MIA3: variants seen among roughly 807,000 people sequenced by gnomAD.
MIA3 encodes transport and Golgi organization protein 1 homolog.
A neutral mutation model predicts 192.4 loss-of-function variants in MIA3; 90 were observed. The observed-to-expected ratio is 0.47, with a 90% CI of 0.39 to 0.56. The LOEUF (loss-of-function observed/expected upper bound fraction) is 0.56, where lower values mean the gene tolerates loss of function less well. Among genes scored for constraint, MIA3 ranks in the 20% least tolerant of loss-of-function variants. The probability of loss-of-function intolerance (pLI) is 0.00; values close to 1 mark genes in which losing one functional copy is unlikely to be tolerated. For synonymous variants in MIA3, 740 were observed against 792.8 expected (o/e 0.93, Z 1.12); for missense variants, 2,123 against 2,269.4 (o/e 0.94, Z 1.31).
At chr1:222,654,634 C>CA in intron 17 of MIA3, 21 bp from the exon 18 acceptor site, 1 of 1,612,008 alleles carries the variant, frequency 6.2e-7, no homozygotes, top group South Asian at 1.1e-5. Context: ...ATATGGAACT[C>CA]AAATGTTTTA....
In MIA3 at chr1:222,628,204, G is replaced by T. The variant is rs756559128; in HGVS notation, c.984G>T (p.Leu328Phe). The T allele has an allele frequency of 2.5e-6, 4 of 1,613,974 alleles. No individual in the cohort carries two copies. In the African/African-American group the frequency reaches 5.3e-5, roughly 22 times the overall value. The change falls in exon 4 of 28, where the codon TTG becomes TTT. Residue 328 changes from leucine (L) to phenylalanine (F), a missense_variant. Leu to Phe is a conservative substitution (Grantham distance 22). Coordinates refer to ENST00000344922, the MANE Select transcript of MIA3 (RefSeq NM_198551.4). ...AGAACCAAGAAGACTTTGATGAGTT[G>T]CCATTACTTACCTTTACAGATGGGG... ...DEENQEDFDE[L>F]PLLTFTDGED...
In MIA3 at chr1:222,624,798, G is replaced by T; in HGVS notation, c.298G>T (p.Asp100Tyr). The stretch of plus-strand genomic sequence containing the variant: ...ACGCACTTTTGGATATTTTCCAAAA[G>T]ATTTAATCCAGGTAGTTCATGAATA... ...VGRTFGYFPK[D>Y]LIQVVHEYTK... is the part of the protein sequence containing the mutation. The change falls in exon 3 of 28, where the codon GAT becomes TAT. Residue 100 changes from aspartate to tyrosine, a missense_variant. Physicochemically the swap from Asp to Tyr is radical, Grantham distance 160. This residue lies in a region of MIA3 where 1,357 missense variants were observed against 1,396.1 expected (regional missense o/e 0.97). Coordinates refer to ENST00000344922, the MANE Select transcript of MIA3 (RefSeq NM_198551.4). 1.9e-6 allele frequency: 3 copies of T among 1,598,802 alleles called. No homozygotes were observed. Among genetic ancestry groups the T allele is most frequent in the Non-Finnish European group, 2.6e-6 (3 of 1,167,158 alleles).
chr1:222,644,321 C>T (rs921767615), intron 6 of MIA3: 4 of 1,450,334 alleles, frequency 2.8e-6, no homozygotes, highest in South Asian at 2.8e-5. Context: ...TTATAGGCGG[C>T]ATAAAGCGAA....
rs1002440523 is a variant in MIA3 at position 222,633,179 on chromosome 1, C to T, written c.3407C>T (p.Pro1136Leu). 5.0e-6 allele frequency: 8 copies of T among 1,614,014 alleles called. No individual in the cohort carries two copies. The highest frequency in any genetic ancestry group is 1.3e-5 in the African/African-American group (1 of 75,030). Reference protein sequence around the residue: ...NKQPETAAEEPASVTPLENAI... With the variant: ...NKQPETAAEELASVTPLENAI... ...CAACCAGAGACAGCCGCCGAAGAGC[C>T]GGCAAGTGTCACACCTTTGGAAAAC... Residue 1136 changes from proline (P) to leucine (L), a missense_variant, in exon 6 of 28, where the codon CCG becomes CTG. Physicochemically the swap from Pro to Leu is moderately conservative, Grantham distance 98. Coordinates refer to ENST00000344922, the MANE Select transcript of MIA3 (RefSeq NM_198551.4).
intron 6 of MIA3, among the ~76,000 whole-genome samples, chr1:222,638,959 TC>T (rs1235919849): frequency 6.6e-6 from 1 of 151,720 alleles, no homozygotes; most frequent in Non-Finnish European, 1.5e-5. Flanking sequence ...AGAGAGAAAA[TC>T]AATGTAACCA....
At chr1:222,640,465 C>A (rs959671795) in intron 6 of MIA3, among the ~76,000 whole-genome samples, 1 of 152,088 alleles carries the variant, frequency 6.6e-6, no homozygotes, top group African/African-American at 2.4e-5. Context: ...TGGAAATATA[C>A]ATGTATGACA....
chr1:222,634,434 G>C (rs1662543691), intron 6 of MIA3, among the ~76,000 whole-genome samples: 1 of 152,192 alleles, frequency 6.6e-6, no homozygotes, highest in Admixed American at 6.5e-5. Flanking sequence ...GACCATTGTT[G>C]GCAGAGATCC....
Position 222,633,117 on chromosome 1 carries a change from A to G in MIA3, c.3345A>G (p.Thr1115=). ...EKDLDPGPVT[T]EDTPMDAIDA... is the part of the protein sequence containing the mutation. ...TCCCAATTCCAGGGCCAGTTACAAC[A>G]GAAGACACTCCTATGGATGCTATTG... Residue 1115 remains threonine (T), a synonymous_variant, in exon 6 of 28, where the codon ACA becomes ACG. Coordinates refer to ENST00000344922, the MANE Select transcript of MIA3 (RefSeq NM_198551.4). The G allele has an allele frequency of 6.3e-7, 1 of 1,599,554 alleles. No homozygotes were observed. Among genetic ancestry groups the G allele is most frequent in the Non-Finnish European group, 8.5e-7 (1 of 1,176,026 alleles).
At chr1:222,647,980 T>C (rs940993517) in intron 7 of MIA3, 4 of 340,968 alleles carry the variant, frequency 1.2e-5, no homozygotes, top group Non-Finnish European at 6.3e-6. Context: ...ACTGAGCTTA[T>C]GGATGATTTG....
chr1:222,634,139 G>C (rs941674089), intron 6 of MIA3, among the ~76,000 whole-genome samples: 2 of 152,116 alleles, frequency 1.3e-5, no homozygotes, highest in African/African-American at 4.8e-5. Flanking sequence ...ACCATTCCCG[G>C]CCAGTTGGTG....
chr1:222,624,439 TA>T (rs1662016758), intron 2 of MIA3, among the ~76,000 whole-genome samples: 1 of 152,244 alleles, frequency 6.6e-6, no homozygotes, highest in Non-Finnish European at 1.5e-5. Flanking sequence ...AGTATCCACT[TA>T]AAATGCCATG....
chr1:222,642,258 A>G (rs912728488), intron 6 of MIA3, among the ~76,000 whole-genome samples: 2 of 152,182 alleles, frequency 1.3e-5, no homozygotes, highest in African/African-American at 2.4e-5. Context: ...TTAAATACAT[A>G]TAACTTATTG....
At chr1:222,651,898 G>A (rs1187388083) in intron 11 of MIA3, 79 bp from the exon 12 acceptor site, 1 of 843,520 alleles carries the variant, frequency 1.2e-6, no homozygotes. Context: ...CTTTGTTGAT[G>A]TTTCTTCTTC....
At chr1:222,647,941 A>G in intron 7 of MIA3, 1 of 386,094 alleles carries the variant, frequency 2.6e-6, no homozygotes, top group Non-Finnish European at 5.4e-6. Context: ...GTATACAGTA[A>G]TACAGTATAT....
At chr1:222,651,703 C>A (rs1473026131) in intron 11 of MIA3, among the ~76,000 whole-genome samples, 1 of 150,304 alleles carries the variant, frequency 6.7e-6, no homozygotes, top group South Asian at 2.1e-4. Context: ...TTTTCAGTTT[C>A]TTTTCTTTCA....
intron 22 of MIA3, 42 bp from the exon 23 acceptor site, chr1:222,659,864 C>T: frequency 1.9e-6 from 3 of 1,599,252 alleles, no homozygotes; most frequent in Non-Finnish European, 2.6e-6. Context: ...GTTTCTATTT[C>T]ATATTTAACT....
Position 222,648,829 on chromosome 1 carries a change from G to A in MIA3, c.3610G>A (p.Val1204Met), listed in dbSNP as rs1663275989. Residue 1204 changes from valine to methionine, a missense_variant and splice_region_variant, in exon 8 of 28, where the codon GTG becomes ATG. By Grantham distance (21) the Val-to-Met change is conservative. Around this residue, in one of 3 missense-constraint regions of MIA3, gnomAD observed 762 missense variants for 856.4 expected, o/e 0.89. Transcript: ENST00000344922. ...AIFLWRTVLVVKDRVYQVTEQ... is the reference protein window; with the variant it reads ...AIFLWRTVLVMKDRVYQVTEQ... Reference sequence around the variant, plus strand: ...ATTTAATTTTATTTCTCTTTTCTAGGTGAAGGATAGAGTATATCAAGGTAA... The same window carrying A: ...ATTTAATTTTATTTCTCTTTTCTAGATGAAGGATAGAGTATATCAAGGTAA... 7.1e-7 allele frequency: 1 copy of A among 1,417,582 alleles called. No individual in the cohort carries two copies. The highest frequency in any genetic ancestry group is 2.3e-5 in the East Asian group (1 of 43,260). 87.8% of individuals were successfully genotyped at this position (1,417,582 alleles called of 1,614,324 possible). A position where few individuals can be genotyped will look rare whatever the true frequency, so the allele number is the denominator to read the frequency against.
At chr1:222,618,304 C>T (rs3008609) in intron 1 of MIA3, 61 bp downstream of exon 1, 105,972 of 1,279,976 alleles carry the variant, frequency 0.083, 4,620 homozygotes, top group Non-Finnish European at 0.09. Flanking sequence ...TCCGCCGGCC[C>T]CGGGGGTCTC....
intron 6 of MIA3, chr1:222,644,587 GTGACAGTCCCGATTCCCGGGGAGGGA>G (rs917523318): frequency 1.2e-5 from 18 of 1,550,464 alleles, no homozygotes; most frequent in Non-Finnish European, 1.6e-5. Context: ...GCTGCTGGAG[GTGACAGTCCCGATTCCCGGGGAGGGA>G]CCCAAGCTGT....
Sources: allele counts gnomAD v4.1 joint callset (sites outside exome capture counted in the v4.1 genomes callset), GRCh38; gene constraint gnomAD v4.1.1; regional missense constraint gnomAD v4.1.1; transcripts MANE v1.5; gene names NCBI Gene and HGNC (gene_info 2026-07-23, HGNC 2026-07-21).